Variants in PHF14 observed in about 807,000 individuals in gnomAD.
PHF14 encodes the protein PHD finger protein 14.
Under a neutral mutation model 117.9 loss-of-function variants are expected in PHF14, and 55 were observed. That is an observed-to-expected ratio of 0.47 (90% CI 0.38 to 0.58). The LOEUF (loss-of-function observed/expected upper bound fraction) is 0.58. PHF14 is among the 20% of genes least tolerant of loss of function. The probability of loss-of-function intolerance (pLI) is 0.00; values close to 1 mark genes in which losing one functional copy is unlikely to be tolerated. For missense variants in PHF14, 978 were observed against 1,122.2 expected, an observed-to-expected ratio of 0.87 and a Z score of 1.84; for synonymous variants, 409 against 368.6, an observed-to-expected ratio of 1.11 and a Z score of -1.26.
At chr7:10,988,027 A>AAG (rs1554299512) in intron 3 of PHF14, among the ~76,000 whole-genome samples, 1 of 151,456 alleles carries the variant, frequency 6.6e-6, no homozygotes, top group Non-Finnish European at 1.5e-5. Context: ...AAAAAAAAAA[A>AAG]AAAAAGAAAA....
chr7:11,120,834 C>T (rs2128345785), intron 17 of PHF14, among the ~76,000 whole-genome samples: 1 of 152,158 alleles, frequency 6.6e-6, no homozygotes, highest in African/African-American at 2.4e-5. Context: ...AAGCCACTGA[C>T]TCTGCCTGGT....
Position 11,022,904 on chromosome 7 carries a change from A to G in PHF14, c.1242A>G (p.Gly414=). 1 of 1,609,700 alleles carries G rather than the reference A, an allele frequency of 6.2e-7. No individual in the cohort carries two copies. Among genetic ancestry groups the G allele is most frequent in the East Asian group, 2.2e-5 (1 of 44,786 alleles). The stretch of plus-strand genomic sequence containing the variant: ...TTGTTTGTGCCCTGTATGTTCCTGG[A>G]GTAGCCTTTGGAGATATTGACAAAT... ...VHIVCALYVP[G]VAFGDIDKLR... is the part of the protein sequence containing the mutation. Residue 414 remains glycine (G), a synonymous_variant, in exon 6 of 18, where the codon GGA becomes GGG. Coordinates refer to ENST00000634607, the MANE Select transcript of PHF14 (RefSeq NM_001007157.2).
At chr7:11,102,344 G>A in intron 16 of PHF14, 1 of 788,944 alleles carries the variant, frequency 1.3e-6, no homozygotes, top group Non-Finnish European at 2.0e-6. Context: ...ATGGCATTTA[G>A]GTTTAGAGTA....
intron 17 of PHF14, among the ~76,000 whole-genome samples, chr7:11,160,782 GA>G (rs1789000293): frequency 6.6e-6 from 1 of 151,720 alleles, no homozygotes; most frequent in African/African-American, 2.4e-5. Context: ...TTTGCTTTTT[GA>G]ATTAAGTTTC....
chr7:11,125,398 A>G (rs1039501421), intron 17 of PHF14, among the ~76,000 whole-genome samples: 7 of 152,132 alleles, frequency 4.6e-5, no homozygotes, highest in Non-Finnish European at 1.0e-4. Flanking sequence ...TTATCCTAGT[A>G]TCAGCATTCT....
chr7:11,087,282 C>T (rs111309016), intron 16 of PHF14, among the ~76,000 whole-genome samples: 5 of 151,862 alleles, frequency 3.3e-5, no homozygotes, highest in African/African-American at 1.2e-4. Context: ...ACCTCTGCCT[C>T]CTGGGTTCAA....
At chr7:11,164,988 G>A (rs374855578) in intron 17 of PHF14, among the ~76,000 whole-genome samples, 9 of 152,038 alleles carry the variant, frequency 5.9e-5, no homozygotes, top group African/African-American at 1.7e-4. Context: ...GCAGTGGCGC[G>A]ATCTCCGCTC....
intron 16 of PHF14, among the ~76,000 whole-genome samples, chr7:11,094,469 C>G (rs917006122): frequency 3.3e-5 from 5 of 152,188 alleles, no homozygotes; most frequent in African/African-American, 9.7e-5. Context: ...TCCTACTTCT[C>G]TCTTACAAGA....
intron 14 of PHF14, among the ~76,000 whole-genome samples, chr7:11,052,878 C>G (rs759841245): frequency 6.6e-6 from 1 of 151,996 alleles, no homozygotes; most frequent in African/African-American, 2.4e-5. Context: ...CATTTATGTT[C>G]ATGTTTACCA....
At chr7:11,146,114 A>G (rs893776805) in intron 17 of PHF14, among the ~76,000 whole-genome samples, 6 of 152,194 alleles carry the variant, frequency 3.9e-5, no homozygotes, top group African/African-American at 1.4e-4. Context: ...AATTCCTCCA[A>G]TAGAATATTT....
At chr7:11,156,565 C>T (rs1176024359) in intron 17 of PHF14, among the ~76,000 whole-genome samples, 3 of 152,016 alleles carry the variant, frequency 2.0e-5, no homozygotes, top group Non-Finnish European at 2.9e-5. Flanking sequence ...GAGGCCGAGG[C>T]GGCGGATCAC....
rs1035102177 is a variant in PHF14 at position 11,144,760 on chromosome 7, G to A, written c.2773-24656G>A. ...AAATGATAAATGTTTGTGGTGATGT[G>A]GGGGGAAGAAAAGGAAGGAAAATCT... On this transcript the variant is annotated intron_variant, in intron 17 of 17. Coordinates refer to ENST00000634607, the MANE Select transcript of PHF14 (RefSeq NM_001007157.2). 3.8e-4 allele frequency among the ~76,000 whole-genome samples: 57 copies of A among 151,714 alleles called. 1 individual carries two copies. Among genetic ancestry groups the A allele is most frequent in the African/African-American group, 1.4e-3 (57 of 41,424 alleles).
chr7:11,161,305 TTGTCCAGTGAGAAGGATAAACAAAATGC>T (rs1789017381), intron 17 of PHF14, among the ~76,000 whole-genome samples: 1 of 152,216 alleles, frequency 6.6e-6, no homozygotes, highest in African/African-American at 2.4e-5. Flanking sequence ...AAAATTTTCA[TTGTCCAGTGAGAAGGATAAACAAAATGC>T]TGTCATATTC....
chr7:11,025,682 C>CAGT (rs1783883282), intron 6 of PHF14, among the ~76,000 whole-genome samples: 1 of 152,090 alleles, frequency 6.6e-6, no homozygotes, highest in African/African-American at 2.4e-5. Context: ...GTAGTCTCAG[C>CAGT]TACTTGGGAG....
chr7:11,005,801 T>C (rs1485774057), intron 4 of PHF14, among the ~76,000 whole-genome samples: 2 of 145,524 alleles, frequency 1.4e-5, no homozygotes, highest in Non-Finnish European at 3.0e-5. Flanking sequence ...TTTTTTTTTT[T>C]TTTTTTTTTT....
At chr7:11,099,087 G>A (rs1786989020) in intron 16 of PHF14, among the ~76,000 whole-genome samples, 1 of 152,020 alleles carries the variant, frequency 6.6e-6, no homozygotes, top group Non-Finnish European at 1.5e-5. Context: ...AATGAGTGTA[G>A]CCCAGCTGCC....
At chr7:11,037,928 A>G (rs1784365310) in intron 10 of PHF14, among the ~76,000 whole-genome samples, 1 of 152,192 alleles carries the variant, frequency 6.6e-6, no homozygotes, top group East Asian at 1.9e-4. Context: ...AATAGTGGAA[A>G]TACATCTTGA....
chr7:10,993,773 C>T (rs1374231261), intron 4 of PHF14, among the ~76,000 whole-genome samples: 1 of 152,076 alleles, frequency 6.6e-6, no homozygotes, highest in African/African-American at 2.4e-5. Flanking sequence ...CTTTGGGAGG[C>T]CAAGGCAAGC....
chr7:10,978,011 A>G (rs1057362061), intron 2 of PHF14, among the ~76,000 whole-genome samples: 3 of 152,232 alleles, frequency 2.0e-5, no homozygotes, highest in Admixed American at 6.5e-5. Context: ...CAGATTAGCC[A>G]TGCTCTCTAC....
Sources: allele counts gnomAD v4.1 joint callset (sites outside exome capture counted in the v4.1 genomes callset), GRCh38; gene constraint gnomAD v4.1.1; transcripts MANE v1.5; gene names NCBI Gene and HGNC (gene_info 2026-07-23, HGNC 2026-07-21).